Variants in TGFBR3 observed in about 807,000 individuals in gnomAD.
The protein encoded by TGFBR3 is transforming growth factor beta receptor type 3.
Under a neutral mutation model 87.9 loss-of-function variants are expected in TGFBR3, and 46 were observed. That is an observed-to-expected ratio of 0.52 (90% CI 0.41 to 0.67). The LOEUF is 0.67. TGFBR3 is among the 30% of genes least tolerant of loss of function. The probability of loss-of-function intolerance (pLI) is 0.00; values close to 1 mark genes in which losing one functional copy is unlikely to be tolerated. For synonymous variants in TGFBR3, 381 were observed against 391.6 expected, an observed-to-expected ratio of 0.97 and a Z score of 0.32; for missense variants, 866 against 1,041.9, an observed-to-expected ratio of 0.83 and a Z score of 2.32.
intron 3 of TGFBR3, among the ~76,000 whole-genome samples, chr1:91,767,429 A>T (rs1674220757): frequency 7.5e-6 from 1 of 133,458 alleles, no homozygotes; most frequent in Non-Finnish European, 1.6e-5. Context: ...CACTTGGATT[A>T]TTGTTAAAAA....
intron 2 of TGFBR3, among the ~76,000 whole-genome samples, chr1:91,895,305 C>T (rs966660727): frequency 6.6e-6 from 1 of 151,984 alleles, no homozygotes; most frequent in African/African-American, 2.4e-5. Flanking sequence ...GCATCTCTCC[C>T]CTCACTCTCT....
At chr1:91,705,225 CTTTT>C (rs35620891) in intron 14 of TGFBR3, among the ~76,000 whole-genome samples, 22 of 135,934 alleles carry the variant, frequency 1.6e-4, no homozygotes, top group African/African-American at 4.7e-4. Flanking sequence ...AGTCTCTTTT[CTTTT>C]TTTTTTTTTT....
chr1:91,731,646 C>G (rs758722755), intron 5 of TGFBR3, among the ~76,000 whole-genome samples: 2 of 152,140 alleles, frequency 1.3e-5, no homozygotes, highest in Non-Finnish European at 2.9e-5. Flanking sequence ...TAAGAAAGAG[C>G]GTCTATGGGC....
At chr1:91,891,072 A>G (rs1290529939), upstream of TGFBR3, among the ~76,000 whole-genome samples, 2 of 151,430 alleles carry the variant, frequency 1.3e-5, no homozygotes, top group East Asian at 2.0e-4. Flanking sequence ...TAATTTTTGT[A>G]TTTTTAGTAG....
intron 3 of TGFBR3, among the ~76,000 whole-genome samples, chr1:91,780,053 T>C (rs1387134055): frequency 6.6e-6 from 1 of 152,174 alleles, no homozygotes; most frequent in Non-Finnish European, 1.5e-5. Flanking sequence ...CCCTGTCTTA[T>C]AAGGATACAT....
intron 2 of TGFBR3, among the ~76,000 whole-genome samples, chr1:91,859,265 GC>G (rs1678082690): frequency 6.6e-6 from 1 of 152,076 alleles, no homozygotes; most frequent in African/African-American, 2.4e-5. Context: ...CCCATAAAGT[GC>G]CTTCTTCAGT....
chr1:91,696,372 AATCTT>A (rs1243257039), intron 15 of TGFBR3, among the ~76,000 whole-genome samples: 1 of 152,220 alleles, frequency 6.6e-6, no homozygotes, highest in African/African-American at 2.4e-5. Flanking sequence ...TTAAACTCTT[AATCTT>A]AACAGCTTCA....
At chr1:91,778,691 T>C (rs6669044) in intron 3 of TGFBR3, among the ~76,000 whole-genome samples, 31,218 of 152,214 alleles carry the variant, frequency 0.21, 3,776 homozygotes, top group African/African-American at 0.33. Flanking sequence ...CAAATGTTTC[T>C]TGACTGCTTA....
chr1:91,779,266 T>C (rs1300730372), intron 3 of TGFBR3, among the ~76,000 whole-genome samples: 1 of 152,230 alleles, frequency 6.6e-6, no homozygotes, highest in Non-Finnish European at 1.5e-5. Context: ...TATGGAGTGC[T>C]GATGATATTC....
rs141058680 is a variant in TGFBR3, at chr1:91,691,954, C to T, written c.2437+3718G>A. On this transcript the variant is annotated intron_variant, in intron 16 of 16. Transcript: ENST00000212355. Reference sequence around the variant, plus strand: ...CGGAGCTTGCAGTGAGCCAAGATTGCGCCATTGCACTCCAGCCCGGGTGAC... The same window carrying T: ...CGGAGCTTGCAGTGAGCCAAGATTGTGCCATTGCACTCCAGCCCGGGTGAC... Among the ~76,000 whole-genome samples the T allele has an allele frequency of 7.3e-3, 1,111 of 151,936 alleles. 16 individuals are homozygous for T. The highest frequency in any genetic ancestry group is 0.025 in the African/African-American group (1,040 of 41,436).
At chr1:91,687,666 G>A (rs1353671039) in intron 16 of TGFBR3, among the ~76,000 whole-genome samples, 1 of 152,180 alleles carries the variant, frequency 6.6e-6, no homozygotes, top group Non-Finnish European at 1.5e-5. Flanking sequence ...AATAGGAGCA[G>A]ACAGCTGTTC....
At chr1:91,712,169 A>C in intron 13 of TGFBR3, 74 bp downstream of exon 13, 1 of 1,403,656 alleles carries the variant, frequency 7.1e-7, no homozygotes, top group Non-Finnish European at 9.9e-7. Flanking sequence ...AACCTGCAAG[A>C]CCTTGGGATT....
intron 2 of TGFBR3, among the ~76,000 whole-genome samples, chr1:91,845,716 A>C (rs1677442364): frequency 6.6e-6 from 1 of 152,194 alleles, no homozygotes; most frequent in East Asian, 1.9e-4. Context: ...TTTCAAATGA[A>C]GATTTTTTTA....
rs773203555 is a variant in TGFBR3 at position 91,716,685 on chromosome 1, A to G, written c.1590T>C (p.Leu530=). ...YNSIVIQVPA[L]GDSSGWPDGY... is the part of the protein sequence containing the mutation. ...CATCTGGCCAACCACTACTGTCCCCAAGGGCTGGAACCTGTATCACAATCT... is the reference window on the plus strand; with the variant it reads ...CATCTGGCCAACCACTACTGTCCCCGAGGGCTGGAACCTGTATCACAATCT... Residue 530 remains leucine (L), a synonymous_variant, in exon 11 of 17, where the codon CTT becomes CTC. Coordinates refer to ENST00000212355, the MANE Select transcript of TGFBR3 (RefSeq NM_003243.5). 5.0e-6 allele frequency: 8 copies of G among 1,614,090 alleles called. No homozygotes were observed. In the South Asian group the frequency reaches 8.8e-5, roughly 18 times the overall value.
chr1:91,883,824 A>C (rs1679191014), intron 1 of TGFBR3, among the ~76,000 whole-genome samples: 1 of 152,146 alleles, frequency 6.6e-6, no homozygotes, highest in Non-Finnish European at 1.5e-5. Flanking sequence ...CAATGCAGAA[A>C]TAAAGCCAAA....
At chr1:91,897,245 C>T (rs12566180) in intron 2 of TGFBR3, among the ~76,000 whole-genome samples, 69,376 of 152,020 alleles carry the variant, frequency 0.46, 16,141 homozygotes, top group Non-Finnish European at 0.51. Context: ...GCGGGGGTAT[C>T]AGGCAGCATT....
intron 1 of TGFBR3, among the ~76,000 whole-genome samples, chr1:91,882,137 CCT>C (rs1491241671): frequency 8.5e-5 from 12 of 140,742 alleles, no homozygotes; most frequent in African/African-American, 2.7e-4. Flanking sequence ...AAATTGAAAA[CCT>C]TTTTTTTTTT....
chr1:91,779,613 A>T (rs1188034862), intron 3 of TGFBR3, among the ~76,000 whole-genome samples: 4 of 152,228 alleles, frequency 2.6e-5, no homozygotes, highest in Admixed American at 2.6e-4. Flanking sequence ...ACATCTGAGC[A>T]AACACAGGAA....
At chr1:91,738,365 G>A (rs1245113871) in intron 4 of TGFBR3, among the ~76,000 whole-genome samples, 2 of 152,166 alleles carry the variant, frequency 1.3e-5, no homozygotes, top group African/African-American at 4.8e-5. Context: ...AACCCCCAAC[G>A]TTTCACATGG....
Sources: gnomAD v4.1 joint callset for allele counts (sites outside exome capture counted in the v4.1 genomes callset) on GRCh38, gnomAD v4.1.1 for gene constraint, MANE v1.5 for transcripts, NCBI Gene and HGNC (gene_info 2026-07-23, HGNC 2026-07-21) for gene names.